KAT2B: variants seen among roughly 807,000 people sequenced by gnomAD.
KAT2B encodes the protein histone acetyltransferase KAT2B.
KAT2B carries 36 observed loss-of-function variants against 105.9 expected under a neutral mutation model. The observed-to-expected ratio is 0.34, with a 90% CI of 0.26 to 0.45. The LOEUF (loss-of-function observed/expected upper bound fraction) is 0.45, where lower values mean the gene tolerates loss of function less well. KAT2B is among the 20% of genes least tolerant of loss of function. The pLI, the probability that KAT2B is intolerant of heterozygous loss-of-function variation, is 1.00. For missense variants in KAT2B, 820 were observed against 1,021.6 expected (o/e 0.80, Z 2.69); for synonymous variants, 397 against 377.9 (o/e 1.05, Z -0.59).
chr3:20,051,063 G>T (rs1456940703), intron 1 of KAT2B, among the ~76,000 whole-genome samples: 4 of 151,914 alleles, frequency 2.6e-5, no homozygotes, highest in Admixed American at 2.0e-4. Flanking sequence ...AGCTGGGCAT[G>T]GTGGCACACA....
At chr3:20,130,615 G>A (rs1356036922) in intron 11 of KAT2B, among the ~76,000 whole-genome samples, 3 of 152,134 alleles carry the variant, frequency 2.0e-5, no homozygotes, top group Non-Finnish European at 4.4e-5. Flanking sequence ...GGATACTAAA[G>A]GGAAACTGAA....
intron 17 of KAT2B, among the ~76,000 whole-genome samples, chr3:20,149,294 A>G (rs1425315340): frequency 6.6e-6 from 1 of 151,798 alleles, no homozygotes; most frequent in Non-Finnish European, 1.5e-5. Context: ...AAGAACTGTG[A>G]AAGTCCAGCT....
chr3:20,152,392 T>C lies in KAT2B; in HGVS notation c.2366T>C (p.Met789Thr). Residue 789 changes from methionine (M) to threonine (T), a missense_variant, in exon 18 of 18, where the codon ATG becomes ACG. Met to Thr is a moderately conservative substitution (Grantham distance 81, BLOSUM62 -1). Around this residue, in one of 6 missense-constraint regions of KAT2B, gnomAD observed 227 missense variants for 292.9 expected, o/e 0.77. Coordinates refer to ENST00000263754, the MANE Select transcript of KAT2B (RefSeq NM_003884.5). ...NRYYVSKKLF[M>T]ADLQRVFTNC... is the part of the protein sequence containing the mutation. ...TACTACGTGTCTAAGAAATTATTCA[T>C]GGCAGACTTACAGCGAGTCTTTACC... The C allele has an allele frequency of 6.2e-7, 1 of 1,613,596 alleles. No individual in the cohort carries two copies. The highest frequency in any genetic ancestry group is 8.5e-7 in the Non-Finnish European group (1 of 1,179,638).
At chr3:20,099,173 C>T (rs986702698) in intron 3 of KAT2B, among the ~76,000 whole-genome samples, 7 of 152,070 alleles carry the variant, frequency 4.6e-5, no homozygotes, top group African/African-American at 1.2e-4. Context: ...ATTCCAGTGG[C>T]AGGAATTAAG....
At chr3:20,064,050 G>A (rs1252195022) in intron 1 of KAT2B, among the ~76,000 whole-genome samples, 3 of 152,072 alleles carry the variant, frequency 2.0e-5, no homozygotes, top group African/African-American at 7.2e-5. Flanking sequence ...TTATTTCTGG[G>A]CTATCTATTC....
chr3:20,138,816 T>C (rs1699648229), intron 12 of KAT2B, among the ~76,000 whole-genome samples: 1 of 152,212 alleles, frequency 6.6e-6, no homozygotes, highest in South Asian at 2.1e-4. Flanking sequence ...CAACATTGCT[T>C]ATGGCTTTTT....
At chr3:20,073,613 T>C (rs1264554613) in intron 2 of KAT2B, among the ~76,000 whole-genome samples, 1 of 152,226 alleles carries the variant, frequency 6.6e-6, no homozygotes, top group Non-Finnish European at 1.5e-5. Flanking sequence ...GTTGACTTAA[T>C]TGGTATCTCA....
At chr3:20,134,228 T>C (rs573746200) in intron 11 of KAT2B, among the ~76,000 whole-genome samples, 6 of 152,346 alleles carry the variant, frequency 3.9e-5, no homozygotes, top group African/African-American at 1.4e-4. Context: ...ATAATACTTT[T>C]GTAAAGGTTT....
chr3:20,049,043 G>A (rs1333567035), intron 1 of KAT2B, among the ~76,000 whole-genome samples: 1 of 147,122 alleles, frequency 6.8e-6, no homozygotes, highest in East Asian at 1.9e-4. Flanking sequence ...TGTATTTTTA[G>A]TAGAGACGGG....
intron 3 of KAT2B, among the ~76,000 whole-genome samples, chr3:20,095,959 G>A (rs528591635): frequency 1.3e-5 from 2 of 152,256 alleles, no homozygotes; most frequent in South Asian, 4.1e-4. Flanking sequence ...GCAGAAACCT[G>A]AGTGGGAGAT....
chr3:20,078,226 C>T (rs1046177399), intron 2 of KAT2B, among the ~76,000 whole-genome samples: 4 of 151,900 alleles, frequency 2.6e-5, no homozygotes, highest in Admixed American at 2.0e-4. Context: ...CCTGTTTTTA[C>T]GAGCAGGAAA....
chr3:20,106,663 A>G (rs1424173785), intron 5 of KAT2B, among the ~76,000 whole-genome samples: 1 of 152,118 alleles, frequency 6.6e-6, no homozygotes, highest in Admixed American at 6.5e-5. Context: ...ATAACAATCT[A>G]TGCTGTCTTC....
intron 2 of KAT2B, among the ~76,000 whole-genome samples, chr3:20,074,657 GCTT>G (rs956798475): frequency 6.6e-6 from 1 of 152,176 alleles, no homozygotes; most frequent in African/African-American, 2.4e-5. Flanking sequence ...GGTACTAGTA[GCTT>G]CTAGAAGCTG....
chr3:20,059,024 C>T (rs568009486), intron 1 of KAT2B, among the ~76,000 whole-genome samples: 4 of 152,300 alleles, frequency 2.6e-5, no homozygotes, highest in South Asian at 2.1e-4. Context: ...CTCCTAATTA[C>T]ATCAGCATAA....
At chr3:20,104,138 C>A (rs1359374716) in intron 5 of KAT2B, among the ~76,000 whole-genome samples, 2 of 152,048 alleles carry the variant, frequency 1.3e-5, no homozygotes, top group African/African-American at 4.8e-5. Context: ...ATTAAGATAG[C>A]AGGGAATAGA....
At chr3:20,105,465 T>G (rs544189300) in intron 5 of KAT2B, among the ~76,000 whole-genome samples, 3 of 152,200 alleles carry the variant, frequency 2.0e-5, no homozygotes, top group South Asian at 2.1e-4. Context: ...ACCCCCACAC[T>G]GGGGAGATGT....
chr3:20,078,143 G>GCACTC (rs1440057636), intron 2 of KAT2B, among the ~76,000 whole-genome samples: 1 of 152,106 alleles, frequency 6.6e-6, no homozygotes, highest in Non-Finnish European at 1.5e-5. Context: ...CGCACCACTT[G>GCACTC]CACTCCAGCC....
chr3:20,139,953 A>G (rs3762631), intron 12 of KAT2B, among the ~76,000 whole-genome samples: 8,171 of 152,288 alleles, frequency 0.054, 497 homozygotes, highest in South Asian at 0.32. Context: ...ATTTTTACTT[A>G]ACACCTGTTT....
At chr3:20,147,933 C>T (rs199625680) in intron 14 of KAT2B, 30 bp from the exon 15 acceptor site, 90 of 1,608,018 alleles carry the variant, frequency 5.6e-5, no homozygotes, top group Non-Finnish European at 7.5e-5. Context: ...AAGCACTTCT[C>T]ATTCAGTGTT....
Sources: allele counts gnomAD v4.1 joint callset (sites outside exome capture counted in the v4.1 genomes callset), GRCh38; gene constraint gnomAD v4.1.1; regional missense constraint gnomAD v4.1.1; transcripts MANE v1.5; gene names NCBI Gene and HGNC (gene_info 2026-07-23, HGNC 2026-07-21).